The following SDR42E1 variants were observed in gnomAD, a reference collection of about 807,000 sequenced individuals.
SDR42E1 encodes the protein short chain dehydrogenase/reductase family 42E, member 1, also known as short-chain dehydrogenase/reductase family 42E member 1.
Under a neutral mutation model 2.6 loss-of-function variants are expected in SDR42E1, and 5 were observed. The ratio of observed to expected loss-of-function variants is 1.94; its 90% CI spans 1.01 to 4.08. The LOEUF is 4.08. Among genes scored for constraint, SDR42E1 ranks in the 30% most tolerant of loss-of-function variants. The probability of loss-of-function intolerance (pLI) is 0.00; values close to 1 mark genes in which losing one functional copy is unlikely to be tolerated. For missense variants in SDR42E1, 596 were observed against 478.6 expected, an observed-to-expected ratio of 1.25 and a Z score of -2.29; for synonymous variants, 231 against 188.3, an observed-to-expected ratio of 1.23 and a Z score of -1.86.
Position 81,999,072 on chromosome 16 carries a change from T to G in SDR42E1, c.*39A>C. ...TAAAACCCATGTTTCTTGAGAACCA[T>G]CTCAGCCAACTGTGATCACCTTATT... On this transcript the variant is annotated 3_prime_UTR_variant, in exon 3 of 3. Transcript: ENST00000328945. 6.3e-7 allele frequency: 1 copy of G among 1,581,404 alleles called. No individual in the cohort carries two copies. Among genetic ancestry groups the G allele is most frequent in the Non-Finnish European group, 8.6e-7 (1 of 1,166,586 alleles).
intron 1 of SDR42E1, among the ~76,000 whole-genome samples, chr16:82,004,066 G>T (rs1024154334): frequency 5.3e-5 from 8 of 152,186 alleles, no homozygotes; most frequent in Non-Finnish European, 1.2e-4. Flanking sequence ...ACCCAAACGA[G>T]ACAGAGGTCC....
chr16:82,000,946 T>C (rs1912738453), intron 1 of SDR42E1, 62 bp from the exon 2 acceptor site: 2 of 1,217,902 alleles, frequency 1.6e-6, no homozygotes, highest in Non-Finnish European at 2.4e-6. Context: ...CTCCCTAATT[T>C]TGACCTAACA....
intron 1 of SDR42E1, among the ~76,000 whole-genome samples, chr16:82,006,731 T>C (rs1288944954): frequency 6.6e-6 from 1 of 151,984 alleles, no homozygotes; most frequent in Non-Finnish European, 1.5e-5. Context: ...GAGATGGAGG[T>C]TGCAGTGAGT....
Position 81,991,147 on chromosome 16 carries a change from C to A in SDR42E1, c.*7964G>T, listed in dbSNP as rs1912418855. 1 of 152,118 alleles carries A rather than the reference C, an allele frequency of 6.6e-6. No homozygotes were observed. The highest frequency in any genetic ancestry group is 2.4e-5 in the African/African-American group (1 of 41,404). 9.4% of individuals were successfully genotyped at this position (152,118 alleles called of 1,614,324 possible). On this transcript the variant is annotated 3_prime_UTR_variant, in exon 3 of 3. Coordinates refer to ENST00000328945, the MANE Select transcript of SDR42E1 (RefSeq NM_145168.3). ...GTCTTCCTGGAGGATGTCCTCTGGG[C>A]TATTAAGTATGGCTCTAACATCCAT...
chr16:82,004,872 T>C (rs146953516), intron 1 of SDR42E1, among the ~76,000 whole-genome samples: 49 of 152,336 alleles, frequency 3.2e-4, no homozygotes, highest in East Asian at 2.5e-3. Context: ...GGGTGAGGGC[T>C]GGTGAACAAC....
At position 81,995,724 on chromosome 16, in the gene SDR42E1, G is replaced by C. The variant is rs1465756337; in HGVS notation, c.*3387C>G. On this transcript the variant is annotated 3_prime_UTR_variant, in exon 3 of 3. Coordinates refer to ENST00000328945, the MANE Select transcript of SDR42E1 (RefSeq NM_145168.3). ...GCAGATGGGAAAACAGCATTCATTGGACAAATACTTATTGAACTCCTGCAC... is the reference window on the plus strand; with the variant it reads ...GCAGATGGGAAAACAGCATTCATTGCACAAATACTTATTGAACTCCTGCAC... 6.6e-6 allele frequency: 1 copy of C among 152,182 alleles called. No homozygotes were observed. Among genetic ancestry groups the C allele is most frequent in the East Asian group, 1.9e-4 (1 of 5,192 alleles). The allele number at this position is 152,182 out of a possible 1,614,324, so 9.4% of individuals were successfully genotyped here.
In SDR42E1 at chr16:81,991,457, C is replaced by G. The variant is rs1482907030; in HGVS notation, c.*7654G>C. 2 of 152,080 alleles carry G rather than the reference C, an allele frequency of 1.3e-5. No homozygotes were observed. Among genetic ancestry groups the G allele is most frequent in the Admixed American group, 1.3e-4 (2 of 15,260 alleles). The allele number at this position is 152,080 out of a possible 1,614,324, so 9.4% of individuals were successfully genotyped here. On this transcript the variant is annotated 3_prime_UTR_variant, in exon 3 of 3. Coordinates refer to ENST00000328945, the MANE Select transcript of SDR42E1 (RefSeq NM_145168.3). ...TTGGGCCAGGCTCGGTGGCTCATACCTGTAATCCCAGCACTTTGGGAGGCC... is the reference window on the plus strand; with the variant it reads ...TTGGGCCAGGCTCGGTGGCTCATACGTGTAATCCCAGCACTTTGGGAGGCC...
At position 81,997,256 on chromosome 16, in the gene SDR42E1, C is replaced by A. The variant is rs1465256212; in HGVS notation, c.*1855G>T. The A allele has an allele frequency of 6.6e-6, 1 of 152,218 alleles. No homozygotes were observed. The highest frequency in any genetic ancestry group is 1.5e-5 in the Non-Finnish European group (1 of 68,036). 9.4% of individuals were successfully genotyped at this position (152,218 alleles called of 1,614,324 possible). On this transcript the variant is annotated 3_prime_UTR_variant, in exon 3 of 3. Transcript: ENST00000328945. Reference sequence around the variant, plus strand: ...GAAGCAGGCAGAAAAAGCTTTGTAGCTGGAAATGTGGGCAACGTTTCATGG... The same window carrying A: ...GAAGCAGGCAGAAAAAGCTTTGTAGATGGAAATGTGGGCAACGTTTCATGG...
Position 81,993,757 on chromosome 16 carries a change from C to G in SDR42E1, c.*5354G>C, listed in dbSNP as rs747342266. On this transcript the variant is annotated 3_prime_UTR_variant, in exon 3 of 3. Coordinates refer to ENST00000328945, the MANE Select transcript of SDR42E1 (RefSeq NM_145168.3). Reference sequence around the variant, plus strand: ...AGACATGGTTCCTGCTCTCATGGGGCGTTTATGTTCTGGGGAGCAAATCAC... The same window carrying G: ...AGACATGGTTCCTGCTCTCATGGGGGGTTTATGTTCTGGGGAGCAAATCAC... 1 of 152,122 alleles carries G rather than the reference C, an allele frequency of 6.6e-6. No homozygotes were observed. Among genetic ancestry groups the G allele is most frequent in the East Asian group, 1.9e-4 (1 of 5,198 alleles). 9.4% of individuals were successfully genotyped at this position (152,122 alleles called of 1,614,324 possible). A position where few individuals can be genotyped will look rare whatever the true frequency, so the allele number is the denominator to read the frequency against.
rs1055567462 is a variant in SDR42E1, at chr16:81,992,565, G to A, written c.*6546C>T. On this transcript the variant is annotated 3_prime_UTR_variant, in exon 3 of 3. Transcript: ENST00000328945. Reference sequence around the variant, plus strand: ...CTTGGATCTGAAATATGGCTCCACTGGGAGGCTAGAGCAAAAGATATGTAG... The same window carrying A: ...CTTGGATCTGAAATATGGCTCCACTAGGAGGCTAGAGCAAAAGATATGTAG... 1 of 152,086 alleles carries A rather than the reference G, an allele frequency of 6.6e-6. No homozygotes were observed. The highest frequency in any genetic ancestry group is 1.5e-5 in the Non-Finnish European group (1 of 68,020). 9.4% of individuals were successfully genotyped at this position (152,086 alleles called of 1,614,324 possible).
In SDR42E1 at chr16:81,999,794, T is replaced by C. The variant is rs1445118842; in HGVS notation, c.499A>G (p.Asn167Asp). The C allele has an allele frequency of 1.8e-5, 29 of 1,614,184 alleles. No homozygotes were observed. The highest frequency in any genetic ancestry group is 2.4e-5 in the Non-Finnish European group (28 of 1,180,026). ...SIAEQKVLEA[N>D]ATPLDRGDGV... ...TCGCCTCTGTCCAGGGGTGTAGCAT[T>C]CGCCTCCAGCACCTTCTGCTCTGCA... Residue 167 changes from asparagine (N) to aspartate (D), a missense_variant, in exon 3 of 3, where the codon AAT becomes GAT. Physicochemically the swap from Asn to Asp is conservative, Grantham distance 23. Coordinates refer to ENST00000328945, the MANE Select transcript of SDR42E1 (RefSeq NM_145168.3).
rs1567561040 is a variant in SDR42E1 at position 81,994,886 on chromosome 16, TGAAAA to T, written c.*4220_*4224del. 1 of 152,192 alleles carries T rather than the reference TGAAAA, an allele frequency of 6.6e-6. No individual in the cohort carries two copies. The highest frequency in any genetic ancestry group is 1.5e-5 in the Non-Finnish European group (1 of 68,028). The allele number at this position is 152,192 out of a possible 1,614,324, so 9.4% of individuals were successfully genotyped here. A position where few individuals can be genotyped will look rare whatever the true frequency, so the allele number is the denominator to read the frequency against. Reference sequence around the variant, plus strand: ...GGTTGAGGAAAATAAAACATTTTCTTGAAAAGAATCCCTAGGCCTATTCCCTAGGT... The same window carrying T: ...GGTTGAGGAAAATAAAACATTTTCTTGAATCCCTAGGCCTATTCCCTAGGT... On this transcript the variant is annotated 3_prime_UTR_variant, in exon 3 of 3. Coordinates refer to ENST00000328945, the MANE Select transcript of SDR42E1 (RefSeq NM_145168.3).
At chr16:82,006,954 AG>A (rs1409318689) in intron 1 of SDR42E1, among the ~76,000 whole-genome samples, 1 of 152,256 alleles carries the variant, frequency 6.6e-6, no homozygotes, top group Non-Finnish European at 1.5e-5. Flanking sequence ...TCTATAATTC[AG>A]GGTCATCACC....
Position 81,999,714 on chromosome 16 carries a change from T to C in SDR42E1, c.579A>G (p.Glu193=), listed in dbSNP as rs1371329395. The C allele has an allele frequency of 1.9e-6, 3 of 1,614,080 alleles. No individual in the cohort carries two copies. Among genetic ancestry groups the C allele is most frequent in the Non-Finnish European group, 8.5e-7 (1 of 1,180,036 alleles). The change falls in exon 3 of 3, where the codon GAA becomes GAG. Residue 193 remains glutamate, a synonymous_variant. Coordinates refer to ENST00000328945, the MANE Select transcript of SDR42E1 (RefSeq NM_145168.3). ...TGACTATCCTGGGAAGGTGTCTTTGTTCTCCAGGCCCATAGATGCCAGCTG... is the reference window on the plus strand; with the variant it reads ...TGACTATCCTGGGAAGGTGTCTTTGCTCTCCAGGCCCATAGATGCCAGCTG... ...LRPAGIYGPG[E]QRHLPRIVSY... is the part of the protein sequence containing the mutation.
At chr16:82,004,511 T>C (rs1912871735) in intron 1 of SDR42E1, among the ~76,000 whole-genome samples, 1 of 152,236 alleles carries the variant, frequency 6.6e-6, no homozygotes, top group East Asian at 1.9e-4. Flanking sequence ...CATTCTTTTT[T>C]TCTCTTTGAG....
In SDR42E1 at chr16:81,998,388, G is replaced by T. The variant is rs747998374; in HGVS notation, c.*723C>A. On this transcript the variant is annotated 3_prime_UTR_variant, in exon 3 of 3. Transcript: ENST00000328945. Reference sequence around the variant, plus strand: ...AGTCCAGTAGCAATAGCCCTCTAAAGAGAACACTGAGGAAGAAAGCCCTCA... The same window carrying T: ...AGTCCAGTAGCAATAGCCCTCTAAATAGAACACTGAGGAAGAAAGCCCTCA... 6.6e-6 allele frequency: 1 copy of T among 152,194 alleles called. No homozygotes were observed. The highest frequency in any genetic ancestry group is 1.5e-5 in the Non-Finnish European group (1 of 68,058). The allele number at this position is 152,194 out of a possible 1,614,324, so 9.4% of individuals were successfully genotyped here.
chr16:81,993,712 G>T lies in SDR42E1; in HGVS notation c.*5399C>A, dbSNP rs1349995356. On this transcript the variant is annotated 3_prime_UTR_variant, in exon 3 of 3. Coordinates refer to ENST00000328945, the MANE Select transcript of SDR42E1 (RefSeq NM_145168.3). ...ACAAGCATTTATTGGGCATATGAAG[G>T]GTACAGAAGTAGAAAAAACAGACAT... 6.6e-6 allele frequency: 1 copy of T among 152,088 alleles called. No individual in the cohort carries two copies. The highest frequency in any genetic ancestry group is 2.4e-5 in the African/African-American group (1 of 41,386). 9.4% of individuals were successfully genotyped at this position (152,088 alleles called of 1,614,324 possible). A position where few individuals can be genotyped will look rare whatever the true frequency, so the allele number is the denominator to read the frequency against.
intron 1 of SDR42E1, among the ~76,000 whole-genome samples, chr16:82,001,758 C>T (rs8049515): frequency 0.029 from 4,394 of 151,832 alleles, 226 homozygotes; most frequent in African/African-American, 0.1. Flanking sequence ...AAAAATTAGC[C>T]GGGCGTGGTG....
At chr16:82,000,545 G>A (rs1912723942) in intron 2 of SDR42E1, 1 of 585,888 alleles carries the variant, frequency 1.7e-6, no homozygotes, top group Non-Finnish European at 3.0e-6. Context: ...GAACAGCTAT[G>A]ATTTAAAATT....
Sources: allele counts gnomAD v4.1 joint callset (sites outside exome capture counted in the v4.1 genomes callset), GRCh38; gene constraint gnomAD v4.1.1; transcripts MANE v1.5; gene names NCBI Gene and HGNC (gene_info 2026-07-23, HGNC 2026-07-21).